ZSWIM5: variants seen among roughly 807,000 people sequenced by gnomAD.
The protein encoded by ZSWIM5 is zinc finger SWIM domain-containing protein 5.
A neutral mutation model predicts 119.6 loss-of-function variants in ZSWIM5; 55 were observed. The ratio of observed to expected loss-of-function variants is 0.46; its 90% CI spans 0.37 to 0.58. ZSWIM5 has a LOEUF of 0.58. Among genes scored for constraint, ZSWIM5 ranks in the 20% least tolerant of loss-of-function variants. The pLI, the probability that ZSWIM5 is intolerant of heterozygous loss-of-function variation, is 0.00. For synonymous variants in ZSWIM5, 537 were observed against 606.9 expected (o/e 0.88, Z 1.69); for missense variants, 1,193 against 1,512.8 (o/e 0.79, Z 3.51).
chr1:45,112,195 G>A (rs1284428686), intron 1 of ZSWIM5, among the ~76,000 whole-genome samples: 1 of 152,102 alleles, frequency 6.6e-6, no homozygotes. Context: ...GACAACAACT[G>A]ATCTGTCACT....
At chr1:45,048,305 A>C (rs1253811504) in intron 5 of ZSWIM5, among the ~76,000 whole-genome samples, 1 of 151,584 alleles carries the variant, frequency 6.6e-6, no homozygotes, top group African/African-American at 2.4e-5. Context: ...CTCCCAAAGT[A>C]CTGGGATTAT....
At chr1:45,067,020 A>G (rs1287710363) in intron 2 of ZSWIM5, among the ~76,000 whole-genome samples, 1 of 152,208 alleles carries the variant, frequency 6.6e-6, no homozygotes, top group Non-Finnish European at 1.5e-5. Context: ...TGAATACAGG[A>G]GGATAAATAA....
intron 1 of ZSWIM5, among the ~76,000 whole-genome samples, chr1:45,180,189 G>C (rs1280861351): frequency 2.0e-5 from 3 of 152,154 alleles, no homozygotes. Context: ...TCAAGGACAG[G>C]GGTGACAGAC....
chr1:45,059,702 G>GA (rs1045109787), intron 3 of ZSWIM5, among the ~76,000 whole-genome samples: 13 of 151,614 alleles, frequency 8.6e-5, no homozygotes, highest in South Asian at 2.1e-4. Context: ...GTATTAAGGG[G>GA]AAAAAAAAGA....
intron 12 of ZSWIM5, 90 bp from the exon 13 acceptor site, chr1:45,020,237 C>A (rs1644878720): frequency 2.7e-6 from 3 of 1,093,722 alleles, no homozygotes; most frequent in Non-Finnish European, 4.2e-6. Flanking sequence ...CAAATATTTT[C>A]TGGTGCTTTA....
At chr1:45,131,377 C>T (rs959033526) in intron 1 of ZSWIM5, among the ~76,000 whole-genome samples, 35 of 151,932 alleles carry the variant, frequency 2.3e-4, no homozygotes, top group Non-Finnish European at 3.2e-4. Flanking sequence ...AATATTCTTG[C>T]CCCTGGTGAG....
At chr1:45,093,861 T>TC (rs397829869) in intron 1 of ZSWIM5, among the ~76,000 whole-genome samples, 5 of 150,386 alleles carry the variant, frequency 3.3e-5, no homozygotes, top group African/African-American at 1.2e-4. Context: ...TTTTTTTTTT[T>TC]GAGACAGGGT....
At chr1:45,145,664 G>A (rs962891820) in intron 1 of ZSWIM5, among the ~76,000 whole-genome samples, 2 of 152,062 alleles carry the variant, frequency 1.3e-5, no homozygotes, top group Non-Finnish European at 2.9e-5. Flanking sequence ...AGTGTTAAGA[G>A]TGTAACTACA....
At chr1:45,080,402 T>C (rs933125936) in intron 2 of ZSWIM5, among the ~76,000 whole-genome samples, 3 of 152,146 alleles carry the variant, frequency 2.0e-5, no homozygotes, top group Non-Finnish European at 4.4e-5. Flanking sequence ...TGTTTTCTGT[T>C]ATAATAGGGC....
At chr1:45,099,710 C>T (rs762635776) in intron 1 of ZSWIM5, among the ~76,000 whole-genome samples, 10 of 152,090 alleles carry the variant, frequency 6.6e-5, no homozygotes, top group African/African-American at 2.2e-4. Flanking sequence ...ATGATCAAGT[C>T]GGCTTCATCC....
At chr1:45,196,946 G>A (rs897836681) in intron 1 of ZSWIM5, among the ~76,000 whole-genome samples, 1 of 152,118 alleles carries the variant, frequency 6.6e-6, no homozygotes, top group African/African-American at 2.4e-5. Flanking sequence ...ACTGACTAGA[G>A]GTTACACACT....
intron 7 of ZSWIM5, among the ~76,000 whole-genome samples, chr1:45,039,742 T>C (rs61788381): frequency 0.012 from 1,894 of 152,004 alleles, 7 homozygotes; most frequent in Non-Finnish European, 0.02. Flanking sequence ...TCTGCTCTTG[T>C]TGCCCAGGCT....
At chr1:45,087,777 C>T (rs1033489646) in intron 2 of ZSWIM5, 104 bp downstream of exon 2, 88 of 797,714 alleles carry the variant, frequency 1.1e-4, no homozygotes, top group Non-Finnish European at 1.6e-5. Context: ...ATATCCCAAC[C>T]TCTTAACATG....
At chr1:45,117,387 C>A (rs533159457) in intron 1 of ZSWIM5, among the ~76,000 whole-genome samples, 69 of 152,196 alleles carry the variant, frequency 4.5e-4, no homozygotes, top group African/African-American at 1.6e-3. Context: ...CATAAAATAA[C>A]AGGGAGGCCG....
At chr1:45,154,926 A>G (rs1057151861) in intron 1 of ZSWIM5, among the ~76,000 whole-genome samples, 1 of 152,272 alleles carries the variant, frequency 6.6e-6, no homozygotes, top group Admixed American at 6.5e-5. Context: ...ACTTAAATCT[A>G]AGACCTAAAA....
intron 1 of ZSWIM5, among the ~76,000 whole-genome samples, 160 bp downstream of exon 1, chr1:45,205,596 G>C (rs1357737005): frequency 6.6e-6 from 1 of 152,166 alleles, no homozygotes; most frequent in Non-Finnish European, 1.5e-5. Context: ...TGGTGGACCT[G>C]AGTGAAAGGT....
intron 1 of ZSWIM5, among the ~76,000 whole-genome samples, chr1:45,198,957 G>C (rs1318642604): frequency 6.6e-6 from 1 of 152,030 alleles, no homozygotes; most frequent in Non-Finnish European, 1.5e-5. Flanking sequence ...ATTTATCTCA[G>C]GTAAATACCT....
chr1:45,154,463 G>A (rs946573865), intron 1 of ZSWIM5, among the ~76,000 whole-genome samples: 15 of 152,028 alleles, frequency 9.9e-5, no homozygotes, highest in East Asian at 7.7e-4. Flanking sequence ...ACTAATCTTC[G>A]ACGAAACAAA....
intron 1 of ZSWIM5, among the ~76,000 whole-genome samples, chr1:45,167,017 C>T (rs1645909417): frequency 1.3e-5 from 2 of 152,224 alleles, no homozygotes; most frequent in Admixed American, 6.5e-5. Flanking sequence ...ATTGCCAAGT[C>T]AATCCTAAGC....
Sources: allele counts gnomAD v4.1 joint callset (sites outside exome capture counted in the v4.1 genomes callset), GRCh38; gene constraint gnomAD v4.1.1; transcripts MANE v1.5; gene names NCBI Gene and HGNC (gene_info 2026-07-23, HGNC 2026-07-21).